The following DPP10 variants were observed in gnomAD, a reference collection of about 807,000 sequenced individuals.
DPP10 encodes the protein inactive dipeptidyl peptidase 10.
DPP10 carries 33 observed loss-of-function variants against 120.9 expected under a neutral mutation model. The observed-to-expected ratio is 0.27, with a 90% confidence interval of 0.21 to 0.37. The LOEUF (loss-of-function observed/expected upper bound fraction) is 0.37, where lower values mean the gene tolerates loss of function less well. Among genes scored for constraint, DPP10 ranks in the 10% least tolerant of loss-of-function variants. DPP10 has a pLI of 1.00. For synonymous variants in DPP10, 337 were observed against 326.1 expected (o/e 1.03, Z -0.36); for missense variants, 816 against 942.8 (o/e 0.87, Z 1.76).
chr2:114,839,610 G>A (rs1366292082), intron 1 of DPP10, among the ~76,000 whole-genome samples: 2 of 152,132 alleles, frequency 1.3e-5, no homozygotes, highest in African/African-American at 4.8e-5. Context: ...CTTATCAAGT[G>A]TTATACATAT....
chr2:115,204,840 TG>T (rs2056009379), intron 1 of DPP10, among the ~76,000 whole-genome samples: 3 of 152,210 alleles, frequency 2.0e-5, no homozygotes, highest in Admixed American at 1.3e-4. Flanking sequence ...TGCATTTCGC[TG>T]ATTAGTGATG....
At chr2:114,973,930 A>G (rs1699573708) in intron 1 of DPP10, among the ~76,000 whole-genome samples, 1 of 152,118 alleles carries the variant, frequency 6.6e-6, no homozygotes. Flanking sequence ...ATAAACTTAA[A>G]CATAGAAAAA....
rs1326188363 is a variant in DPP10 at position 115,427,613 on chromosome 2, C to T, written c.272-71897C>T. 2.6e-5 allele frequency among the ~76,000 whole-genome samples: 4 copies of T among 152,254 alleles called. No homozygotes were observed. In the East Asian group the frequency reaches 7.8e-4, roughly 30 times the overall value. On this transcript the variant is annotated intron_variant, in intron 3 of 25. Coordinates refer to ENST00000410059, the MANE Select transcript of DPP10 (RefSeq NM_020868.6). ...TGGGCAGTAGCACTCTGGGCCTATT[C>T]CCATACCACCAAAACCATTCAGTCC...
At chr2:115,180,242 C>A (rs78709117) in intron 1 of DPP10, among the ~76,000 whole-genome samples, 1 of 151,928 alleles carries the variant, frequency 6.6e-6, no homozygotes, top group Non-Finnish European at 1.5e-5. Flanking sequence ...AAATCAACTA[C>A]GACTTTGATA....
At chr2:115,072,578 C>T (rs891184911) in intron 1 of DPP10, among the ~76,000 whole-genome samples, 2 of 152,088 alleles carry the variant, frequency 1.3e-5, no homozygotes, top group South Asian at 2.1e-4. Context: ...TAACACTTTG[C>T]TTAAGTGTGT....
At chr2:115,320,867 C>A (rs1378332463) in intron 2 of DPP10, among the ~76,000 whole-genome samples, 3 of 152,130 alleles carry the variant, frequency 2.0e-5, no homozygotes, top group Non-Finnish European at 4.4e-5. Context: ...ATGCTGAAGC[C>A]TCCCTTTGAC....
At chr2:114,902,754 A>G (rs752217203) in intron 1 of DPP10, among the ~76,000 whole-genome samples, 1 of 152,054 alleles carries the variant, frequency 6.6e-6, no homozygotes, top group African/African-American at 2.4e-5. Context: ...AACACTCCCC[A>G]CCAGAGTGGC....
At chr2:115,409,871 A>C (rs933452209) in intron 3 of DPP10, among the ~76,000 whole-genome samples, 1 of 152,264 alleles carries the variant, frequency 6.6e-6, no homozygotes, top group Non-Finnish European at 1.5e-5. Flanking sequence ...AGCAACCTGG[A>C]TGGAAATGAA....
chr2:115,699,052 A>AAAAAAAAAAAAAAAAAAAAAC, intron 7 of DPP10, among the ~76,000 whole-genome samples: 1 of 143,154 alleles, frequency 7.0e-6, no homozygotes, highest in Admixed American at 7.0e-5. Flanking sequence ...AAAAAAAACA[A>AAAAAAAAAAAAAAAAAAAAAC]GAGAAGACTC....
rs117486303 is a variant in DPP10 at position 115,597,849 on chromosome 2, T to C, written c.441+71877T>C. On this transcript the variant is annotated intron_variant, in intron 5 of 25. Transcript: ENST00000410059. ...GATTCCTTCATCAGACCAACTCTTCTGTCAATGGTTGAGAGAAAGTGTTAC... is the reference window on the plus strand; with the variant it reads ...GATTCCTTCATCAGACCAACTCTTCCGTCAATGGTTGAGAGAAAGTGTTAC... Among the ~76,000 whole-genome samples, 96 of 152,130 alleles carry C rather than the reference T, an allele frequency of 6.3e-4. 1 individual carries two copies. The East Asian group carries it at 0.016, about 26-fold the overall frequency.
At chr2:114,484,706 C>G (rs942416402) in intron 1 of DPP10, among the ~76,000 whole-genome samples, 1 of 152,024 alleles carries the variant, frequency 6.6e-6, no homozygotes, top group Admixed American at 6.6e-5. Context: ...ACAGGAATCT[C>G]GAACAATATC....
At chr2:115,160,311 T>C (rs1173011907) in intron 1 of DPP10, among the ~76,000 whole-genome samples, 1 of 152,242 alleles carries the variant, frequency 6.6e-6, no homozygotes, top group Non-Finnish European at 1.5e-5. Context: ...CTGCTGGTGA[T>C]TACTGATATA....
At chr2:115,054,073 A>G (rs776625319) in intron 1 of DPP10, among the ~76,000 whole-genome samples, 5 of 152,218 alleles carry the variant, frequency 3.3e-5, no homozygotes, top group African/African-American at 4.8e-5. Flanking sequence ...AGCTACAAGT[A>G]GGATAGAGCA....
At chr2:115,064,591 C>T in intron 1 of DPP10, 1 of 1,199,256 alleles carries the variant, frequency 8.3e-7, no homozygotes, top group Non-Finnish European at 1.1e-6. Context: ...TTCGGTTGGA[C>T]ATAGGTGGGC....
intron 1 of DPP10, among the ~76,000 whole-genome samples, chr2:114,480,736 T>C (rs554177952): frequency 1.3e-5 from 2 of 150,424 alleles, no homozygotes; most frequent in East Asian, 2.0e-4. Context: ...AGGGATAGCA[T>C]TGGGAGATAT....
intron 1 of DPP10, among the ~76,000 whole-genome samples, chr2:114,747,385 A>G (rs1254984716): frequency 6.6e-6 from 1 of 152,198 alleles, no homozygotes; most frequent in Non-Finnish European, 1.5e-5. Context: ...GGATTTTTAG[A>G]CACAAATACT....
chr2:114,951,437 T>C (rs6760012), intron 1 of DPP10, among the ~76,000 whole-genome samples: 37,800 of 151,994 alleles, frequency 0.25, 5,079 homozygotes, highest in South Asian at 0.38. Flanking sequence ...ATAAAGTGTA[T>C]TTTTTTGACT....
At chr2:115,087,156 G>A (rs2104531599) in intron 1 of DPP10, among the ~76,000 whole-genome samples, 1 of 152,138 alleles carries the variant, frequency 6.6e-6, no homozygotes, top group South Asian at 2.1e-4. Context: ...CTCATCTTAT[G>A]GTAAAGCAGT....
chr2:115,220,514 C>T (rs1214675874), intron 1 of DPP10, among the ~76,000 whole-genome samples: 4 of 151,888 alleles, frequency 2.6e-5, no homozygotes, highest in African/African-American at 4.8e-5. Flanking sequence ...GAGTTTGAGA[C>T]CAGCCTGGGC....
Sources: allele counts gnomAD v4.1 joint callset (sites outside exome capture counted in the v4.1 genomes callset), GRCh38; gene constraint gnomAD v4.1.1; transcripts MANE v1.5; gene names NCBI Gene and HGNC (gene_info 2026-07-23, HGNC 2026-07-21).